ZFPM1: variants seen among roughly 807,000 people sequenced by gnomAD.
ZFPM1 encodes zinc finger protein, FOG family member 1.
A neutral mutation model predicts 46.3 loss-of-function variants in ZFPM1; 28 were observed. That is an observed-to-expected ratio of 0.60 (90% CI 0.45 to 0.83). The LOEUF is 0.83. Ranked by LOEUF, ZFPM1 falls within the 40% of genes least tolerant of loss-of-function variation. The probability of loss-of-function intolerance (pLI) is 0.00; values close to 1 mark genes in which losing one functional copy is unlikely to be tolerated. For synonymous variants in ZFPM1, 957 were observed against 675.9 expected (o/e 1.42, Z -6.45); for missense variants, 1,878 against 1,432.4 (o/e 1.31, Z -5.02).
chr16:88,508,885 C>G (rs1466535292), intron 3 of ZFPM1, among the ~76,000 whole-genome samples: 2 of 152,184 alleles, frequency 1.3e-5, no homozygotes, highest in African/African-American at 2.4e-5. Flanking sequence ...GCTCCAGGTC[C>G]TCAGGGGCCC....
At chr16:88,500,889 G>C (rs570655290) in intron 3 of ZFPM1, among the ~76,000 whole-genome samples, 2 of 152,350 alleles carry the variant, frequency 1.3e-5, no homozygotes, top group South Asian at 2.1e-4. Flanking sequence ...GTCCCTAGAC[G>C]GCACCTCGGT....
chr16:88,473,613 G>A (rs1366328782), intron 1 of ZFPM1, among the ~76,000 whole-genome samples: 7 of 152,092 alleles, frequency 4.6e-5, no homozygotes, highest in Non-Finnish European at 1.0e-4. Context: ...CCCATCTGAC[G>A]CAGGCTGCGC....
At chr16:88,520,846 A>G (rs1597275182) in intron 4 of ZFPM1, among the ~76,000 whole-genome samples, 2 of 18,812 alleles carry the variant, frequency 1.1e-4, no homozygotes, top group Non-Finnish European at 1.9e-4. Context: ...GGAGGGAGGG[A>G]GTGTGGGTGG....
At chr16:88,516,160 C>T in intron 4 of ZFPM1, 3 of 398,638 alleles carry the variant, frequency 7.5e-6, no homozygotes, top group Non-Finnish European at 1.3e-5. Context: ...CCCAAATACC[C>T]AGGATCAAAC....
At chr16:88,490,304 G>A (rs1400761110) in intron 3 of ZFPM1, among the ~76,000 whole-genome samples, 3 of 152,212 alleles carry the variant, frequency 2.0e-5, no homozygotes, top group East Asian at 1.9e-4. Flanking sequence ...CGCCCGCCTC[G>A]GCCTCCCAAA....
chr16:88,458,680 C>T (rs535693740), intron 1 of ZFPM1, among the ~76,000 whole-genome samples: 1 of 152,192 alleles, frequency 6.6e-6, no homozygotes, highest in Non-Finnish European at 1.5e-5. Flanking sequence ...CGGCCACACT[C>T]GGGGCCCTGG....
In ZFPM1 at chr16:88,491,207, C is replaced by T. The variant is rs370896969; in HGVS notation, c.268+2054C>T. Among the ~76,000 whole-genome samples the T allele has an allele frequency of 1.6e-3, 250 of 152,268 alleles. 1 individual carries two copies. Among genetic ancestry groups the T allele is most frequent in the African/African-American group, 5.7e-3 (236 of 41,562 alleles). The stretch of plus-strand genomic sequence containing the variant: ...GCAGCACTGTGGGGTCGGGAGGGGC[C>T]GCCCTGACTGCCTCAGTGTCCCCTG... On this transcript the variant is annotated intron_variant, in intron 3 of 9. Transcript: ENST00000319555.
intron 3 of ZFPM1, among the ~76,000 whole-genome samples, chr16:88,496,653 G>T (rs977701814): frequency 1.3e-5 from 2 of 151,998 alleles, no homozygotes; most frequent in African/African-American, 4.8e-5. Context: ...GGCCACAGGG[G>T]AGAGAAAGCA....
At chr16:88,495,902 G>T (rs1909905146) in intron 3 of ZFPM1, among the ~76,000 whole-genome samples, 1 of 152,186 alleles carries the variant, frequency 6.6e-6, no homozygotes, top group Non-Finnish European at 1.5e-5. Flanking sequence ...GCTAAGGCAA[G>T]AGGAGCACAG....
chr16:88,533,161 C>A lies in ZFPM1; in HGVS notation c.1203C>A (p.Ser401Arg). The change falls in exon 10 of 10, where the codon AGC becomes AGA. Residue 401 changes from serine to arginine, a missense_variant. By Grantham distance (110) the Ser-to-Arg change is moderately radical. Coordinates refer to ENST00000319555, the MANE Select transcript of ZFPM1 (RefSeq NM_153813.3). Reference protein sequence around the residue: ...ATKLPPDSLGSFQQQHTALQG... With the variant: ...ATKLPPDSLGRFQQQHTALQG... ...ATCTCTCTGCAGACAGTCTGGGCAGCTTCCAGCAGCAGCACACGGCCCTGC... is the reference window on the plus strand; with the variant it reads ...ATCTCTCTGCAGACAGTCTGGGCAGATTCCAGCAGCAGCACACGGCCCTGC... The A allele has an allele frequency of 6.6e-7, 1 of 1,506,262 alleles. No individual in the cohort carries two copies. The highest frequency in any genetic ancestry group is 8.8e-7 in the Non-Finnish European group (1 of 1,135,168). The allele number at this position is 1,506,262 out of a possible 1,614,324, so 93.3% of individuals were successfully genotyped here.
At chr16:88,475,826 G>T (rs560507797) in intron 1 of ZFPM1, among the ~76,000 whole-genome samples, 2 of 152,150 alleles carry the variant, frequency 1.3e-5, no homozygotes, top group African/African-American at 2.4e-5. Flanking sequence ...TGCCTGGGAC[G>T]CACGCGTGCA....
rs908973744 is a variant in ZFPM1 at position 88,471,874 on chromosome 16, A to T, written c.41-14065A>T. ...GCTCTGGGCCTCCGGCTGGCTGTGC[A>T]CCATGTTCCACTGGGTTATTCCTGA... On this transcript the variant is annotated intron_variant, in intron 1 of 9. Coordinates refer to ENST00000319555, the MANE Select transcript of ZFPM1 (RefSeq NM_153813.3). The surrounding 1 kb of genome is among the most constrained non-coding windows in gnomAD (Gnocchi z 4.1). Among the ~76,000 whole-genome samples the T allele has an allele frequency of 3.3e-5, 5 of 152,328 alleles. No individual in the cohort carries two copies. The East Asian group carries it at 5.8e-4, about 18-fold the overall frequency.
chr16:88,515,915 G>A (rs1275971202), intron 4 of ZFPM1, among the ~76,000 whole-genome samples: 1 of 152,146 alleles, frequency 6.6e-6, no homozygotes, highest in African/African-American at 2.4e-5. Context: ...CAGGAGGAAT[G>A]AGTGGATGGG....
intron 3 of ZFPM1, among the ~76,000 whole-genome samples, chr16:88,495,515 G>A (rs1242757313): frequency 6.6e-6 from 1 of 152,234 alleles, no homozygotes; most frequent in South Asian, 2.1e-4. Context: ...CTGGTCTGCT[G>A]GGTGGGCAGA....
At chr16:88,530,117 C>A (rs1483631531) in intron 6 of ZFPM1, among the ~76,000 whole-genome samples, 2 of 152,136 alleles carry the variant, frequency 1.3e-5, no homozygotes, top group Non-Finnish European at 2.9e-5. Context: ...CATTGCACCC[C>A]TCCACCAGGA....
At chr16:88,490,795 G>A (rs530744976) in intron 3 of ZFPM1, among the ~76,000 whole-genome samples, 1 of 152,334 alleles carries the variant, frequency 6.6e-6, no homozygotes, top group African/African-American at 2.4e-5. Context: ...GGGGCCTCAT[G>A]GCCACCGGTC....
At position 88,456,395 on chromosome 16, in the gene ZFPM1, G is replaced by GA. The variant is rs113008149; in HGVS notation, c.40+2729dup. 8.6e-3 allele frequency among the ~76,000 whole-genome samples: 1,256 copies of GA among 146,208 alleles called. 21 individuals are homozygous for GA. Among genetic ancestry groups the GA allele is most frequent in the African/African-American group, 0.028 (1,140 of 40,108 alleles). On this transcript the variant is annotated intron_variant, in intron 1 of 9. Coordinates refer to ENST00000319555, the MANE Select transcript of ZFPM1 (RefSeq NM_153813.3). ...AGTGTACACTGCTTGGAGTTTTCTT[G>GA]AAAAAAAAAAAATCAAGGTGGTTTC...
At chr16:88,489,279 C>T in intron 3 of ZFPM1, 126 bp downstream of exon 3, 1 of 1,394,282 alleles carries the variant, frequency 7.2e-7, no homozygotes, top group South Asian at 1.5e-5. Flanking sequence ...AGGCCCAGGC[C>T]TGTGCCTAGT....
chr16:88,509,616 C>T (rs963642324), intron 3 of ZFPM1, among the ~76,000 whole-genome samples: 2 of 152,222 alleles, frequency 1.3e-5, no homozygotes, highest in Admixed American at 1.3e-4. Context: ...GAGAAACAGG[C>T]CTGGGGAGGC....
Sources: gnomAD v4.1 joint callset for allele counts (sites outside exome capture counted in the v4.1 genomes callset) on GRCh38, gnomAD v4.1.1 for gene constraint, Gnocchi (gnomAD v3.1) non-coding constraint, MANE v1.5 for transcripts, NCBI Gene and HGNC (gene_info 2026-07-23, HGNC 2026-07-21) for gene names.